The following LRP1B variants were observed in gnomAD, a reference collection of about 807,000 sequenced individuals.
The protein encoded by LRP1B is LDL receptor related protein 1B.
Under a neutral mutation model 556.6 loss-of-function variants are expected in LRP1B, and 217 were observed. The ratio of observed to expected loss-of-function variants is 0.39; its 90% CI spans 0.35 to 0.44. The LOEUF is 0.44. Among genes scored for constraint, LRP1B ranks in the 20% least tolerant of loss-of-function variants. The pLI, the probability that LRP1B is intolerant of heterozygous loss-of-function variation, is 1.00. For synonymous variants in LRP1B, 2,047 were observed against 1,865.8 expected, an observed-to-expected ratio of 1.10 and a Z score of -2.50; for missense variants, 5,053 against 5,620.8, an observed-to-expected ratio of 0.90 and a Z score of 3.23.
At chr2:140,399,852 T>A (rs997354919) in intron 66 of LRP1B, among the ~76,000 whole-genome samples, 1 of 152,196 alleles carries the variant, frequency 6.6e-6, no homozygotes, top group South Asian at 2.1e-4. Context: ...TTTGGATACA[T>A]TGTACATTGT....
At chr2:140,524,610 T>C (rs1183239363) in intron 49 of LRP1B, among the ~76,000 whole-genome samples, 1 of 151,918 alleles carries the variant, frequency 6.6e-6, no homozygotes, top group Non-Finnish European at 1.5e-5. Context: ...TGGAATTCTA[T>C]GCAGTCATAA....
At chr2:141,976,304 A>C (rs1297791655) in intron 1 of LRP1B, among the ~76,000 whole-genome samples, 1 of 152,218 alleles carries the variant, frequency 6.6e-6, no homozygotes, top group Non-Finnish European at 1.5e-5. Flanking sequence ...AAAAAATTAA[A>C]TGTTGGTTAA....
intron 2 of LRP1B, among the ~76,000 whole-genome samples, chr2:141,646,317 C>G (rs1401578494): frequency 1.3e-5 from 2 of 151,912 alleles, no homozygotes; most frequent in African/African-American, 4.8e-5. Context: ...TACAAGTAAA[C>G]TTAATTTATG....
At chr2:141,412,916 G>A (rs1157513991) in intron 3 of LRP1B, among the ~76,000 whole-genome samples, 1 of 152,006 alleles carries the variant, frequency 6.6e-6, no homozygotes, top group African/African-American at 2.4e-5. Context: ...TGACAAAGAA[G>A]ACTCTGAACA....
At chr2:141,517,265 CACACACAG>C (rs1684357573) in intron 2 of LRP1B, among the ~76,000 whole-genome samples, 2 of 151,076 alleles carry the variant, frequency 1.3e-5, no homozygotes, top group South Asian at 4.2e-4. Context: ...AGAATACGCA[CACACACAG>C]ACACACACAC....
At chr2:141,468,996 C>G (rs1327875991) in intron 3 of LRP1B, among the ~76,000 whole-genome samples, 1 of 151,938 alleles carries the variant, frequency 6.6e-6, no homozygotes, top group African/African-American at 2.4e-5. Context: ...TGGACCGGTT[C>G]TACAATCCCT....
intron 3 of LRP1B, among the ~76,000 whole-genome samples, chr2:141,451,689 T>G (rs1173779719): frequency 6.6e-6 from 1 of 152,216 alleles, no homozygotes; most frequent in Non-Finnish European, 1.5e-5. Flanking sequence ...TTTGAGAATT[T>G]CAATCCTTTT....
Position 141,726,924 on chromosome 2 carries a change from G to A in LRP1B, c.205+83355C>T, listed in dbSNP as rs1028467290. 5.9e-5 allele frequency among the ~76,000 whole-genome samples: 9 copies of A among 151,942 alleles called. No individual in the cohort carries two copies. The East Asian group carries it at 1.4e-3, about 23-fold the overall frequency. On this transcript the variant is annotated intron_variant, in intron 2 of 90. Transcript: ENST00000389484. ...GATGAGCAGGTATTTGGTAAAACTA[G>A]CATGTATTCTAATTTAGAATACTCT...
chr2:141,715,093 C>T (rs550004642), intron 2 of LRP1B, among the ~76,000 whole-genome samples: 1 of 152,130 alleles, frequency 6.6e-6, no homozygotes, highest in African/African-American at 2.4e-5. Context: ...ATCACACTCT[C>T]TTTGTAATAG....
chr2:141,787,629 TA>T (rs1214822449), intron 2 of LRP1B, among the ~76,000 whole-genome samples: 1 of 151,890 alleles, frequency 6.6e-6, no homozygotes, highest in Non-Finnish European at 1.5e-5. Flanking sequence ...CTTCTTGGGA[TA>T]AAGAGAATTT....
intron 3 of LRP1B, among the ~76,000 whole-genome samples, chr2:141,431,203 G>A (rs1339225457): frequency 2.0e-5 from 3 of 148,970 alleles, no homozygotes; most frequent in Non-Finnish European, 4.4e-5. Context: ...GTGAGCTAAT[G>A]TAATCATATC....
intron 62 of LRP1B, among the ~76,000 whole-genome samples, chr2:140,453,779 T>C (rs1301630436): frequency 6.6e-6 from 1 of 152,186 alleles, no homozygotes; most frequent in Non-Finnish European, 1.5e-5. Flanking sequence ...GAATTCTTAT[T>C]GATGTGATTT....
At chr2:142,095,475 A>G (rs932010167) in intron 1 of LRP1B, among the ~76,000 whole-genome samples, 4 of 151,758 alleles carry the variant, frequency 2.6e-5, no homozygotes, top group African/African-American at 9.7e-5. Flanking sequence ...GCATGTGTGT[A>G]TCCTTTAATT....
At chr2:141,211,652 G>A (rs894154824) in intron 6 of LRP1B, among the ~76,000 whole-genome samples, 3 of 152,104 alleles carry the variant, frequency 2.0e-5, no homozygotes, top group Non-Finnish European at 2.9e-5. Context: ...AAGCATTCAG[G>A]AAGGCTTTTT....
At chr2:140,278,381 T>C (rs960441481) in intron 84 of LRP1B, among the ~76,000 whole-genome samples, 2 of 152,060 alleles carry the variant, frequency 1.3e-5, no homozygotes, top group Non-Finnish European at 2.9e-5. Context: ...AGAATGCTTT[T>C]TCTTTTTAAT....
chr2:141,337,017 T>C (rs1023571524), intron 3 of LRP1B, among the ~76,000 whole-genome samples: 1 of 152,208 alleles, frequency 6.6e-6, no homozygotes, highest in African/African-American at 2.4e-5. Flanking sequence ...TACAGGTTTC[T>C]GGGTAAACAA....
chr2:141,200,257 AC>A (rs112834789), intron 6 of LRP1B, among the ~76,000 whole-genome samples: 8 of 152,258 alleles, frequency 5.3e-5, no homozygotes, highest in African/African-American at 1.7e-4. Context: ...AAAAAACAAA[AC>A]AAAAAACCAA....
chr2:140,956,143 C>G (rs953780169), intron 18 of LRP1B, among the ~76,000 whole-genome samples: 1 of 151,602 alleles, frequency 6.6e-6, no homozygotes, highest in Admixed American at 6.6e-5. Context: ...ATATATGATA[C>G]TAGGCTAGCT....
At chr2:140,802,010 T>C (rs1690530809) in intron 32 of LRP1B, among the ~76,000 whole-genome samples, 1 of 152,012 alleles carries the variant, frequency 6.6e-6, no homozygotes. Context: ...CATTTGAGGA[T>C]CAAGGAAAAA....
Sources: gnomAD v4.1 joint callset for allele counts (sites outside exome capture counted in the v4.1 genomes callset) on GRCh38, gnomAD v4.1.1 for gene constraint, MANE v1.5 for transcripts, NCBI Gene and HGNC (gene_info 2026-07-23, HGNC 2026-07-21) for gene names.